Variants in ALK observed in about 807,000 individuals in gnomAD.
ALK encodes ALK receptor tyrosine kinase.
Under a neutral mutation model 163.1 loss-of-function variants are expected in ALK, and 74 were observed. That is an observed-to-expected ratio of 0.45 (90% CI 0.38 to 0.55). The LOEUF (loss-of-function observed/expected upper bound fraction) is 0.55. ALK is among the 20% of genes least tolerant of loss of function. The pLI, the probability that ALK is intolerant of heterozygous loss-of-function variation, is 0.00. For synonymous variants in ALK, 960 were observed against 843.2 expected, an observed-to-expected ratio of 1.14 and a Z score of -2.40; for missense variants, 2,063 against 2,105.3, an observed-to-expected ratio of 0.98 and a Z score of 0.39.
At chr2:29,416,199 A>G (rs1366174041) in intron 4 of ALK, among the ~76,000 whole-genome samples, 1 of 152,190 alleles carries the variant, frequency 6.6e-6, no homozygotes, top group African/African-American at 2.4e-5. Context: ...CACAGGCCCG[A>G]AGGCTACATG....
chr2:29,609,644 AT>A (rs35942433), intron 3 of ALK, among the ~76,000 whole-genome samples: 111,479 of 144,054 alleles, frequency 0.77, 42,909 homozygotes, highest in African/African-American at 0.85. Flanking sequence ...ACATATTTAC[AT>A]TTTTTTTTTT....
chr2:29,686,306 A>G (rs1377097235), intron 3 of ALK, among the ~76,000 whole-genome samples: 3 of 152,126 alleles, frequency 2.0e-5, no homozygotes, highest in Non-Finnish European at 4.4e-5. Context: ...GGGTTTCTGG[A>G]GGCAATGATC....
intron 5 of ALK, among the ~76,000 whole-genome samples, chr2:29,374,248 C>CA (rs779384577): frequency 6.6e-6 from 1 of 151,996 alleles, no homozygotes; most frequent in Non-Finnish European, 1.5e-5. Flanking sequence ...TTTAATTTCC[C>CA]AAAAAACCTA....
At chr2:29,915,472 G>A (rs1052853149) in intron 1 of ALK, among the ~76,000 whole-genome samples, 4 of 151,910 alleles carry the variant, frequency 2.6e-5, no homozygotes, top group African/African-American at 4.8e-5. Context: ...TGCCCTCCTC[G>A]GCCTCCCAAA....
chr2:29,546,237 T>C (rs1673550398), intron 3 of ALK, among the ~76,000 whole-genome samples: 1 of 152,170 alleles, frequency 6.6e-6, no homozygotes, highest in Non-Finnish European at 1.5e-5. Context: ...TTTACATCAA[T>C]GGATTTCATT....
At chr2:29,540,454 C>T (rs954084377) in intron 3 of ALK, among the ~76,000 whole-genome samples, 13 of 152,024 alleles carry the variant, frequency 8.6e-5, no homozygotes, top group African/African-American at 1.4e-4. Flanking sequence ...GACCAATCAC[C>T]GTTCTTGCTA....
At chr2:29,378,064 T>C (rs563399919) in intron 5 of ALK, among the ~76,000 whole-genome samples, 1 of 152,338 alleles carries the variant, frequency 6.6e-6, no homozygotes, top group Admixed American at 6.5e-5. Flanking sequence ...TGGCCTGCTA[T>C]AAAATGTATG....
chr2:29,517,048 T>A (rs1470959466), intron 4 of ALK, among the ~76,000 whole-genome samples: 1 of 152,236 alleles, frequency 6.6e-6, no homozygotes, highest in Non-Finnish European at 1.5e-5. Flanking sequence ...TGAATACTTC[T>A]TCTGTGTCAG....
intron 3 of ALK, among the ~76,000 whole-genome samples, chr2:29,586,203 T>C (rs1235849234): frequency 6.6e-6 from 1 of 151,840 alleles, no homozygotes; most frequent in Non-Finnish European, 1.5e-5. Context: ...AATTGTTGCT[T>C]CATATCAGTT....
chr2:29,249,286 G>A (rs564318704), intron 12 of ALK, among the ~76,000 whole-genome samples: 2 of 152,192 alleles, frequency 1.3e-5, no homozygotes, highest in African/African-American at 2.4e-5. Context: ...AATGGGCTCC[G>A]CTGGGGGCTT....
chr2:29,407,412 G>A (rs959519791), intron 4 of ALK, among the ~76,000 whole-genome samples: 13 of 152,098 alleles, frequency 8.5e-5, no homozygotes, highest in African/African-American at 2.9e-4. Context: ...TTTAACATTC[G>A]CCCCTACCAT....
At chr2:29,266,094 G>A (rs1043109118) in intron 11 of ALK, among the ~76,000 whole-genome samples, 23 of 152,222 alleles carry the variant, frequency 1.5e-4, no homozygotes, top group African/African-American at 5.5e-4. Flanking sequence ...AGGTTTTGAC[G>A]CATCCATTGT....
intron 23 of ALK, among the ~76,000 whole-genome samples, chr2:29,217,155 A>G (rs13029051): frequency 1.4e-5 from 2 of 140,270 alleles, no homozygotes; most frequent in Non-Finnish European, 1.5e-5. Context: ...TGTGTAGTGT[A>G]TGTGTTGTGT....
chr2:29,686,222 A>G (rs1157373573), intron 3 of ALK, among the ~76,000 whole-genome samples: 3 of 152,182 alleles, frequency 2.0e-5, no homozygotes, highest in Admixed American at 2.0e-4. Context: ...CTGAACCTCT[A>G]GAATCTAATC....
chr2:29,781,488 C>T (rs1291387052), intron 1 of ALK, among the ~76,000 whole-genome samples: 1 of 152,202 alleles, frequency 6.6e-6, no homozygotes, highest in African/African-American at 2.4e-5. Context: ...TGCCTGCAAT[C>T]ACACAGCCAA....
intron 2 of ALK, among the ~76,000 whole-genome samples, chr2:29,710,065 C>T (rs1679029301): frequency 6.6e-6 from 1 of 152,142 alleles, no homozygotes; most frequent in Non-Finnish European, 1.5e-5. Context: ...GGGGGCAGGT[C>T]TTCCGCATGT....
chr2:29,560,374 T>C (rs1292548987), intron 3 of ALK, among the ~76,000 whole-genome samples: 1 of 152,192 alleles, frequency 6.6e-6, no homozygotes, highest in Admixed American at 6.5e-5. Context: ...TTTATTATTG[T>C]CTTTACAGCT....
At chr2:29,570,940 T>C (rs1674350946) in intron 3 of ALK, among the ~76,000 whole-genome samples, 1 of 152,030 alleles carries the variant, frequency 6.6e-6, no homozygotes, top group Non-Finnish European at 1.5e-5. Context: ...TTATAACAAA[T>C]AATAAAATCT....
At chr2:29,809,510 A>C (rs1366665805) in intron 1 of ALK, among the ~76,000 whole-genome samples, 3 of 152,234 alleles carry the variant, frequency 2.0e-5, no homozygotes. Flanking sequence ...CTTCATATTC[A>C]TTCTACTGGA....
Sources: gnomAD v4.1 joint callset for allele counts (sites outside exome capture counted in the v4.1 genomes callset) on GRCh38, gnomAD v4.1.1 for gene constraint, MANE v1.5 for transcripts, NCBI Gene and HGNC (gene_info 2026-07-23, HGNC 2026-07-21) for gene names.